Variants in TRAPPC3L observed in about 807,000 individuals in gnomAD.
TRAPPC3L encodes the protein trafficking protein particle complex subunit 3-like protein.
In TRAPPC3L, 23 loss-of-function variants were observed where a neutral mutation model predicts 23.7. The observed-to-expected ratio is 0.97, with a 90% CI of 0.70 to 1.37. The LOEUF (loss-of-function observed/expected upper bound fraction) is 1.37, where lower values mean the gene tolerates loss of function less well. TRAPPC3L is among the 40% of genes most tolerant of loss of function. The probability of loss-of-function intolerance (pLI) is 0.00; values close to 1 mark genes in which losing one functional copy is unlikely to be tolerated. For synonymous variants in TRAPPC3L, 81 were observed against 77.9 expected (o/e 1.04, Z -0.21); for missense variants, 212 against 216.8 (o/e 0.98, Z 0.14).
chr6:116,517,161 T>G (rs1186857710), intron 3 of TRAPPC3L: 2 of 152,118 alleles, frequency 1.3e-5, no homozygotes, highest in Non-Finnish European at 2.9e-5. Context: ...CAATTACTTC[T>G]CAAGGCTCTG....
chr6:116,543,861 A>G, intron 1 of TRAPPC3L: 3 of 1,533,652 alleles, frequency 2.0e-6, no homozygotes, highest in Non-Finnish European at 1.7e-6. Flanking sequence ...ACCCAAATGT[A>G]GCAGCAAATT....
intron 1 of TRAPPC3L, chr6:116,543,946 C>A (rs1447004950): frequency 9.4e-6 from 11 of 1,173,316 alleles, no homozygotes; most frequent in Non-Finnish European, 1.2e-5. Flanking sequence ...AAAATATGTC[C>A]CATTTTTAGA....
chr6:116,525,866 C>A (rs1772432036), intron 3 of TRAPPC3L, among the ~76,000 whole-genome samples: 1 of 152,138 alleles, frequency 6.6e-6, no homozygotes, highest in Non-Finnish European at 1.5e-5. Flanking sequence ...TATATTTTAT[C>A]ATAAAGAGAT....
intron 3 of TRAPPC3L, chr6:116,512,377 CTA>C: frequency 1.0e-6 from 1 of 972,352 alleles, no homozygotes; most frequent in South Asian, 1.9e-5. Flanking sequence ...AGCATTGAGA[CTA>C]TCTCAGGAAA....
At chr6:116,542,909 G>A (rs1773550513) in intron 2 of TRAPPC3L, among the ~76,000 whole-genome samples, 2 of 152,016 alleles carry the variant, frequency 1.3e-5, no homozygotes, top group African/African-American at 4.8e-5. Context: ...GTCTGTGGTT[G>A]TGTAAGCATA....
At chr6:116,501,862 T>C (rs569523584) in intron 3 of TRAPPC3L, among the ~76,000 whole-genome samples, 12 of 152,104 alleles carry the variant, frequency 7.9e-5, no homozygotes, top group Non-Finnish European at 1.3e-4. Flanking sequence ...CCAAACCCCA[T>C]CCATAGGTCA....
At chr6:116,541,383 C>G (rs1230843158) in intron 2 of TRAPPC3L, among the ~76,000 whole-genome samples, 1 of 152,150 alleles carries the variant, frequency 6.6e-6, no homozygotes, top group East Asian at 1.9e-4. Context: ...TTCACAGCCA[C>G]ATCTACATAG....
chr6:116,538,563 A>C (rs1773235087), intron 3 of TRAPPC3L, among the ~76,000 whole-genome samples: 1 of 152,228 alleles, frequency 6.6e-6, no homozygotes, highest in Non-Finnish European at 1.5e-5. Flanking sequence ...ATATCTTTAG[A>C]ATGAAGTCTC....
Position 116,495,498 on chromosome 6 carries a change from A to T in TRAPPC3L, c.*1456T>A, listed in dbSNP as rs1771821411. The T allele has an allele frequency of 6.6e-6, 1 of 152,092 alleles. No individual in the cohort carries two copies. The highest frequency in any genetic ancestry group is 6.6e-5 in the Admixed American group (1 of 15,264). 9.4% of individuals were successfully genotyped at this position (152,092 alleles called of 1,614,324 possible). ...ACATGGGAGTGCAGATATCTCTTTG[A>T]TATACTGATTTCCTTTATTTTGGGT... On this transcript the variant is annotated 3_prime_UTR_variant, in exon 5 of 5. Transcript: ENST00000368602.
At chr6:116,532,748 G>A (rs1210013507) in intron 3 of TRAPPC3L, among the ~76,000 whole-genome samples, 1 of 152,146 alleles carries the variant, frequency 6.6e-6, no homozygotes, top group Non-Finnish European at 1.5e-5. Flanking sequence ...CACAAAACAC[G>A]ATAAAATTGA....
At chr6:116,535,243 T>C (rs1773004946) in intron 3 of TRAPPC3L, among the ~76,000 whole-genome samples, 1 of 152,214 alleles carries the variant, frequency 6.6e-6, no homozygotes, top group Non-Finnish European at 1.5e-5. Context: ...CTGACAAATA[T>C]GGAAACCAAA....
At chr6:116,508,830 C>T (rs1467842178) in intron 3 of TRAPPC3L, among the ~76,000 whole-genome samples, 1 of 151,992 alleles carries the variant, frequency 6.6e-6, no homozygotes, top group African/African-American at 2.4e-5. Context: ...ATAGAAATCC[C>T]ATCCATAGCA....
At chr6:116,529,523 A>G (rs1351091456) in intron 3 of TRAPPC3L, among the ~76,000 whole-genome samples, 1 of 152,182 alleles carries the variant, frequency 6.6e-6, no homozygotes, top group Non-Finnish European at 1.5e-5. Context: ...GTGCTGCTCG[A>G]GGTAAAGTAG....
At chr6:116,524,238 T>G (rs1165129973) in intron 3 of TRAPPC3L, 2 of 152,218 alleles carry the variant, frequency 1.3e-5, no homozygotes, top group Non-Finnish European at 1.5e-5. Context: ...CTATTGAAGC[T>G]GGATGGTAGG....
chr6:116,506,084 C>T (rs1272699318), intron 3 of TRAPPC3L, among the ~76,000 whole-genome samples: 1 of 152,254 alleles, frequency 6.6e-6, no homozygotes, highest in East Asian at 1.9e-4. Flanking sequence ...GAGCAGGCAA[C>T]CTACAGAATG....
At chr6:116,502,346 AC>A (rs1771930883) in intron 3 of TRAPPC3L, among the ~76,000 whole-genome samples, 2 of 152,220 alleles carry the variant, frequency 1.3e-5, no homozygotes, top group African/African-American at 4.8e-5. Flanking sequence ...AAAGAAATGA[AC>A]AAAGCCTCCA....
At chr6:116,499,460 A>G (rs998520537) in intron 4 of TRAPPC3L, among the ~76,000 whole-genome samples, 9 of 152,244 alleles carry the variant, frequency 5.9e-5, no homozygotes, top group Non-Finnish European at 1.3e-4. Flanking sequence ...TTATAAACCT[A>G]TATTGATTTC....
At chr6:116,538,319 G>A (rs1583291777) in intron 3 of TRAPPC3L, among the ~76,000 whole-genome samples, 1 of 152,186 alleles carries the variant, frequency 6.6e-6, no homozygotes. Flanking sequence ...ACGGTATTGA[G>A]CATATTTCAG....
At chr6:116,524,598 A>C (rs1772410962) in intron 3 of TRAPPC3L, 6 of 152,068 alleles carry the variant, frequency 3.9e-5, no homozygotes, top group Non-Finnish European at 8.8e-5. Context: ...TGCCATCTCT[A>C]TTTCTTTCTT....
Sources: gnomAD v4.1 joint callset for allele counts (sites outside exome capture counted in the v4.1 genomes callset) on GRCh38, gnomAD v4.1.1 for gene constraint, MANE v1.5 for transcripts, NCBI Gene and HGNC (gene_info 2026-07-23, HGNC 2026-07-21) for gene names.